CABLES1: variants seen among roughly 807,000 people sequenced by gnomAD.
CABLES1 encodes CDK5 and ABL1 enzyme substrate 1.
CABLES1 carries 36 observed loss-of-function variants against 57.8 expected under a neutral mutation model. The ratio of observed to expected loss-of-function variants is 0.62; its 90% CI spans 0.48 to 0.82. The LOEUF (loss-of-function observed/expected upper bound fraction) is 0.82. Ranked by LOEUF, CABLES1 falls within the 40% of genes least tolerant of loss-of-function variation. CABLES1 has a pLI of 0.00. For synonymous variants in CABLES1, 374 were observed against 363.0 expected, an observed-to-expected ratio of 1.03 and a Z score of -0.35; for missense variants, 767 against 836.6, an observed-to-expected ratio of 0.92 and a Z score of 1.03.
At chr18:23,237,834 C>T (rs922765958) in intron 7 of CABLES1, among the ~76,000 whole-genome samples, 5 of 152,274 alleles carry the variant, frequency 3.3e-5, no homozygotes, top group African/African-American at 1.2e-4. Flanking sequence ...CTGCCATCTC[C>T]TCTGCAGACA....
intron 2 of CABLES1, among the ~76,000 whole-genome samples, chr18:23,191,325 C>T (rs965989722): frequency 4.2e-4 from 64 of 152,272 alleles, no homozygotes; most frequent in African/African-American, 1.3e-3. Flanking sequence ...GTTATATTAG[C>T]ATGATGTAGA....
Position 23,135,759 on chromosome 18 carries a change from C to T in CABLES1, c.-4C>T, listed in dbSNP as rs1002596765. 4.1e-6 allele frequency: 4 copies of T among 987,320 alleles called. No individual in the cohort carries two copies. Among genetic ancestry groups the T allele is most frequent in the South Asian group, 4.7e-5 (1 of 21,410 alleles). The allele number at this position is 987,320 out of a possible 1,614,324, so 61.2% of individuals were successfully genotyped here. On this transcript the variant is annotated 5_prime_UTR_variant, in exon 1 of 10. Transcript: ENST00000256925. The stretch of plus-strand genomic sequence containing the variant: ...TCGCGGAAATCCCGCCGCAGACGGA[C>T]ACAATGGCGGCGGCGGCGGCGGCCG...
intron 4 of CABLES1, among the ~76,000 whole-genome samples, chr18:23,217,868 T>A (rs571742758): frequency 2.6e-5 from 4 of 152,250 alleles, no homozygotes; most frequent in Admixed American, 1.3e-4. Flanking sequence ...GCCTTCCTGC[T>A]TCGCAGCTGA....
intron 1 of CABLES1, among the ~76,000 whole-genome samples, chr18:23,187,097 C>CTA (rs1192336643): frequency 6.6e-6 from 1 of 152,202 alleles, no homozygotes; most frequent in Non-Finnish European, 1.5e-5. Context: ...CATGAACTGG[C>CTA]TACCTGTAAA....
intron 1 of CABLES1, among the ~76,000 whole-genome samples, chr18:23,152,189 A>G (rs926130777): frequency 2.0e-5 from 3 of 152,150 alleles, no homozygotes; most frequent in Admixed American, 6.5e-5. Flanking sequence ...GCCTGAGCCC[A>G]GGAGTCCAGC....
At chr18:23,200,522 A>G (rs1302213105) in intron 3 of CABLES1, among the ~76,000 whole-genome samples, 4 of 152,194 alleles carry the variant, frequency 2.6e-5, no homozygotes, top group Middle Eastern at 3.4e-3. Context: ...TTGGCCTCCC[A>G]AAGTGCTGGG....
chr18:23,186,483 T>G lies in CABLES1; in HGVS notation c.846-2355T>G, dbSNP rs1048798803. ...TCTTGTTGCCCAGGCTGGAGTGCAGTGGCTTGATCTCGGCTCACTGCAACC... is the reference window on the plus strand; with the variant it reads ...TCTTGTTGCCCAGGCTGGAGTGCAGGGGCTTGATCTCGGCTCACTGCAACC... On this transcript the variant is annotated intron_variant, in intron 1 of 9. Coordinates refer to ENST00000256925, the MANE Select transcript of CABLES1 (RefSeq NM_001100619.3). 2.7e-4 allele frequency among the ~76,000 whole-genome samples: 41 copies of G among 151,686 alleles called. 1 individual carries two copies. The highest frequency in any genetic ancestry group is 2.6e-3 in the Admixed American group (40 of 15,218).
At position 23,205,722 on chromosome 18, in the gene CABLES1, G is replaced by A. The variant is rs116504120; in HGVS notation, c.1011-8255G>A. Among the ~76,000 whole-genome samples the A allele has an allele frequency of 8.4e-3, 1,281 of 152,230 alleles. 11 individuals carry two copies. The highest frequency in any genetic ancestry group is 0.024 in the Middle Eastern group (7 of 294). On this transcript the variant is annotated intron_variant, in intron 3 of 9. Transcript: ENST00000256925. ...AAAGAGGAAATTGAAGCCAGGTGTC[G>A]TGGCTCACATCTATAGTCCCAGCAA...
In CABLES1 at chr18:23,254,835, C is replaced by A. The variant is rs966428322; in HGVS notation, c.1761+899C>A. On this transcript the variant is annotated intron_variant, in intron 9 of 9. Transcript: ENST00000256925. ...CTCCCAAAGGCCCCATCTCCTAATA[C>A]CATCACATGAAGGATTAGGGCATCC... Among the ~76,000 whole-genome samples, 3 of 152,322 alleles carry A rather than the reference C, an allele frequency of 2.0e-5. No homozygotes were observed. The East Asian group carries it at 5.8e-4, about 29-fold the overall frequency.
intron 1 of CABLES1, among the ~76,000 whole-genome samples, chr18:23,164,158 T>C (rs1049410411): frequency 2.0e-5 from 3 of 152,202 alleles, no homozygotes; most frequent in Admixed American, 6.5e-5. Context: ...GTTCAAAATA[T>C]CACTTTCCCC....
rs1598836202 is a variant in CABLES1, at chr18:23,218,759, C to T, written c.1088+4705C>T. On this transcript the variant is annotated intron_variant, in intron 4 of 9. Coordinates refer to ENST00000256925, the MANE Select transcript of CABLES1 (RefSeq NM_001100619.3). The stretch of plus-strand genomic sequence containing the variant: ...ATTGTGGATTCTGACATTAGTTGAT[C>T]AAAGCAGACAGACCAACCTTAGGAG... Among the ~76,000 whole-genome samples the T allele has an allele frequency of 2.6e-5, 4 of 152,364 alleles. No individual in the cohort carries two copies. The South Asian group carries it at 8.3e-4, about 32-fold the overall frequency.
At chr18:23,154,954 CTA>C (rs1389604293) in intron 1 of CABLES1, among the ~76,000 whole-genome samples, 4 of 152,220 alleles carry the variant, frequency 2.6e-5, no homozygotes, top group African/African-American at 4.8e-5. Context: ...TGGGAAGCTG[CTA>C]TGTGTGTACA....
intron 7 of CABLES1, among the ~76,000 whole-genome samples, chr18:23,239,595 C>T (rs996223897): frequency 6.6e-6 from 1 of 152,024 alleles, no homozygotes; most frequent in Non-Finnish European, 1.5e-5. Context: ...GGGGTGGGGG[C>T]GCTGGGGTGT....
chr18:23,240,731 C>G (rs2047715283), intron 7 of CABLES1, among the ~76,000 whole-genome samples: 1 of 152,246 alleles, frequency 6.6e-6, no homozygotes, highest in Non-Finnish European at 1.5e-5. Context: ...GCCCCCAGGG[C>G]AGTCCAATGT....
chr18:23,259,537 C>T lies in CABLES1; in HGVS notation c.*2170C>T, dbSNP rs1757746869. 2 of 152,184 alleles carry T rather than the reference C, an allele frequency of 1.3e-5. No homozygotes were observed. Among genetic ancestry groups the T allele is most frequent in the Admixed American group, 1.3e-4 (2 of 15,282 alleles). 9.4% of individuals were successfully genotyped at this position (152,184 alleles called of 1,614,324 possible). On this transcript the variant is annotated 3_prime_UTR_variant, in exon 10 of 10. Transcript: ENST00000256925. ...TTTTCATTTTAAACTGTCTCCTGGC[C>T]TGTGGATTTGTGGAATGGACAGTTT...
chr18:23,246,447 A>T (rs1333717430), intron 7 of CABLES1, among the ~76,000 whole-genome samples: 1 of 151,852 alleles, frequency 6.6e-6, no homozygotes, highest in African/African-American at 2.4e-5. Context: ...GCTGAAGTGC[A>T]GTGGCAAGAT....
intron 3 of CABLES1, among the ~76,000 whole-genome samples, chr18:23,203,118 T>C (rs536336125): frequency 2.0e-5 from 3 of 152,284 alleles, no homozygotes; most frequent in African/African-American, 7.2e-5. Context: ...ACCTCTGTCT[T>C]GAAGAGCGAC....
chr18:23,191,144 A>G lies in CABLES1; in HGVS notation c.917+2235A>G, dbSNP rs557260055. On this transcript the variant is annotated intron_variant, in intron 2 of 9. Transcript: ENST00000256925. ...TGTGCACCTGTAGTTCCAGCTACTCAGGAGGCTGAGGCGACAGGATCGCTT... is the reference window on the plus strand; with the variant it reads ...TGTGCACCTGTAGTTCCAGCTACTCGGGAGGCTGAGGCGACAGGATCGCTT... Among the ~76,000 whole-genome samples, 4 of 152,116 alleles carry G rather than the reference A, an allele frequency of 2.6e-5. No homozygotes were observed. In the South Asian group the frequency reaches 8.3e-4, roughly 32 times the overall value.
chr18:23,209,394 C>T (rs2047387533), intron 3 of CABLES1, among the ~76,000 whole-genome samples: 1 of 152,224 alleles, frequency 6.6e-6, no homozygotes, highest in Non-Finnish European at 1.5e-5. Context: ...GGTACTGGGG[C>T]TTAGGGTTCC....
Sources: gnomAD v4.1 joint callset for allele counts (sites outside exome capture counted in the v4.1 genomes callset) on GRCh38, gnomAD v4.1.1 for gene constraint, MANE v1.5 for transcripts, NCBI Gene and HGNC (gene_info 2026-07-23, HGNC 2026-07-21) for gene names.